Variants in BCKDHB observed in about 807,000 individuals in gnomAD.
The protein encoded by BCKDHB is 2-oxoisovalerate dehydrogenase subunit beta, mitochondrial.
Under a neutral mutation model 48.5 loss-of-function variants are expected in BCKDHB, and 41 were observed. The observed-to-expected ratio is 0.85, with a 90% CI of 0.66 to 1.10. The LOEUF (loss-of-function observed/expected upper bound fraction) is 1.10. BCKDHB is among the 50% of genes least tolerant of loss of function. The pLI is 0.00. For missense variants in BCKDHB, 496 were observed against 494.2 expected (o/e 1.00, Z -0.03); for synonymous variants, 201 against 174.8 (o/e 1.15, Z -1.18).
chr6:80,117,200 G>A (rs939768910), intron 1 of BCKDHB, among the ~76,000 whole-genome samples: 9 of 152,154 alleles, frequency 5.9e-5, no homozygotes, highest in African/African-American at 2.2e-4. Context: ...AACTATTCAG[G>A]AGTGAAAGTT....
At chr6:80,306,789 C>T (rs1195416515) in intron 9 of BCKDHB, among the ~76,000 whole-genome samples, 1 of 152,126 alleles carries the variant, frequency 6.6e-6, no homozygotes, top group African/African-American at 2.4e-5. Flanking sequence ...CTTGAGTACT[C>T]TCATTTCCTT....
intron 1 of BCKDHB, among the ~76,000 whole-genome samples, chr6:80,108,211 A>G (rs1769226425): frequency 1.3e-5 from 2 of 152,048 alleles, no homozygotes; most frequent in African/African-American, 4.8e-5. Flanking sequence ...CAGAGCTTCC[A>G]TTCTAAACAA....
At chr6:80,400,614 TTGG>T in the BCKDHB span, among the ~76,000 whole-genome samples, 1 of 152,054 alleles carries the variant, frequency 6.6e-6, no homozygotes, top group South Asian at 2.1e-4. Context: ...ACATATACTG[TTGG>T]TGGGAGTTTA....
the BCKDHB span, among the ~76,000 whole-genome samples, chr6:80,419,514 C>T: frequency 2.0e-5 from 3 of 152,278 alleles, no homozygotes; most frequent in Admixed American, 6.5e-5. Flanking sequence ...TCTATGGGAG[C>T]AAGTTGAGCT....
chr6:80,276,880 A>T (rs1193485206), intron 9 of BCKDHB, among the ~76,000 whole-genome samples: 1 of 152,040 alleles, frequency 6.6e-6, no homozygotes, highest in Non-Finnish European at 1.5e-5. Flanking sequence ...AAAATAAAAA[A>T]CAGTGCATCT....
intron 9 of BCKDHB, among the ~76,000 whole-genome samples, chr6:80,281,570 G>A (rs887723949): frequency 1.3e-5 from 2 of 152,192 alleles, no homozygotes; most frequent in Admixed American, 1.3e-4. Flanking sequence ...GACTTGAACC[G>A]ATGAATATAG....
At chr6:80,412,123 TTA>T in the BCKDHB span, among the ~76,000 whole-genome samples, 2,198 of 151,724 alleles carry the variant, frequency 0.014, 51 homozygotes, top group African/African-American at 0.05. Context: ...CCACCACATT[TTA>T]TACTATTGGT....
the BCKDHB span, among the ~76,000 whole-genome samples, chr6:80,359,456 T>G: frequency 6.6e-6 from 1 of 152,318 alleles, no homozygotes; most frequent in African/African-American, 2.4e-5. Context: ...ATTCTTCTGA[T>G]GTTGTGTTTG....
chr6:80,234,303 A>G (rs576694968), intron 8 of BCKDHB, among the ~76,000 whole-genome samples: 1 of 152,326 alleles, frequency 6.6e-6, no homozygotes, highest in South Asian at 2.1e-4. Context: ...AAATAGTTTT[A>G]AAAGAAGATT....
At chr6:80,122,411 T>C (rs993588326) in intron 1 of BCKDHB, among the ~76,000 whole-genome samples, 38 of 152,210 alleles carry the variant, frequency 2.5e-4, no homozygotes, top group African/African-American at 8.2e-4. Context: ...ATTGGAATAG[T>C]TCCAGAAGGT....
chr6:80,262,912 C>T (rs1333651470), intron 8 of BCKDHB, among the ~76,000 whole-genome samples: 1 of 152,024 alleles, frequency 6.6e-6, no homozygotes, highest in Non-Finnish European at 1.5e-5. Context: ...CTGTTATAGT[C>T]CTTGTCAATG....
At chr6:80,121,786 A>C (rs2490240) in intron 1 of BCKDHB, among the ~76,000 whole-genome samples, 151,479 of 152,318 alleles carry the variant, frequency 0.99, 75,323 homozygotes, top group Middle Eastern at 1. Flanking sequence ...AATATACAAT[A>C]ATCTCATCTG....
chr6:80,367,492 A>G, the BCKDHB span, among the ~76,000 whole-genome samples: 2 of 152,192 alleles, frequency 1.3e-5, no homozygotes, highest in African/African-American at 4.8e-5. Flanking sequence ...TCACTTACTG[A>G]TATGCACACA....
In BCKDHB at chr6:80,268,568, A is replaced by T. The variant is rs192907010; in HGVS notation, c.952-4567A>T. Among the ~76,000 whole-genome samples the T allele has an allele frequency of 5.9e-5, 9 of 152,238 alleles. 1 individual carries two copies. In the East Asian group the frequency reaches 1.7e-3, roughly 29 times the overall value. On this transcript the variant is annotated intron_variant, in intron 8 of 9. Coordinates refer to ENST00000320393, the MANE Select transcript of BCKDHB (RefSeq NM_183050.4). The stretch of plus-strand genomic sequence containing the variant: ...GCTGTACTTGGTGTAGGTAAGGTTC[A>T]GTTGTCTGTAAGAAAACAATCTTGC...
chr6:80,440,912 T>C, the BCKDHB span: 1 of 152,192 alleles, frequency 6.6e-6, no homozygotes, highest in Non-Finnish European at 1.5e-5. Context: ...AGGATTAAAT[T>C]GGCCAACTTC....
chr6:80,174,626 A>T (rs1370066199), intron 6 of BCKDHB, among the ~76,000 whole-genome samples: 1 of 152,242 alleles, frequency 6.6e-6, no homozygotes, highest in African/African-American at 2.4e-5. Flanking sequence ...CAAATGGAAC[A>T]TAGTCAAGTA....
chr6:80,128,403 T>G (rs867242628), intron 2 of BCKDHB, among the ~76,000 whole-genome samples: 56 of 152,050 alleles, frequency 3.7e-4, no homozygotes, highest in Non-Finnish European at 7.1e-4. Context: ...AGGGTGAGTT[T>G]TTTCTTGGGG....
Position 80,344,284 on chromosome 6 carries a change from CAT to C in BCKDHB, c.*481_*482del. On this transcript the variant is annotated 3_prime_UTR_variant, in exon 10 of 10. Transcript: ENST00000320393. Reference sequence around the variant, plus strand: ...CCTCCCAAAGTGCTGGGATTACAGGCATGAGCCACTGCACCTGGCTATATTTA... The same window carrying C: ...CCTCCCAAAGTGCTGGGATTACAGGCGAGCCACTGCACCTGGCTATATTTA... 19 of 204,850 alleles carry C rather than the reference CAT, an allele frequency of 9.3e-5. No homozygotes were observed. The highest frequency in any genetic ancestry group is 2.6e-4 in the South Asian group (3 of 11,608). The allele number at this position is 204,850 out of a possible 1,614,324, so 12.7% of individuals were successfully genotyped here. A position where few individuals can be genotyped will look rare whatever the true frequency, so the allele number is the denominator to read the frequency against.
At chr6:80,454,251 A>G in the BCKDHB span, 1 of 152,192 alleles carries the variant, frequency 6.6e-6, no homozygotes, top group African/African-American at 2.4e-5. Flanking sequence ...GGTCCCTAGA[A>G]AAATAGGCAC....
Sources: allele counts gnomAD v4.1 joint callset (sites outside exome capture counted in the v4.1 genomes callset), GRCh38; gene constraint gnomAD v4.1.1; transcripts MANE v1.5; gene names NCBI Gene and HGNC (gene_info 2026-07-23, HGNC 2026-07-21).